SOD1: variants seen among roughly 807,000 people sequenced by gnomAD.
SOD1 encodes the protein superoxide dismutase [Cu-Zn].
A neutral mutation model predicts 15.9 loss-of-function variants in SOD1; 8 were observed. The observed-to-expected ratio is 0.50, with a 90% confidence interval of 0.30 to 0.91. SOD1 has a LOEUF of 0.91. Among genes scored for constraint, SOD1 ranks in the 40% least tolerant of loss-of-function variants. The pLI is 0.07. For missense variants in SOD1, 137 were observed against 194.5 expected, an observed-to-expected ratio of 0.70 and a Z score of 1.76; for synonymous variants, 86 against 71.2, an observed-to-expected ratio of 1.21 and a Z score of -1.04.
chr21:31,667,410 T>A, intron 4 of SOD1, 35 bp downstream of exon 4: 2 of 1,351,926 alleles, frequency 1.5e-6, no homozygotes, highest in Non-Finnish European at 2.1e-6. Flanking sequence ...ATAAAACTTC[T>A]TCTAACATAC....
chr21:31,666,474 T>C lies in SOD1; in HGVS notation c.195T>C (p.Phe65=), dbSNP rs147620646. The part of the protein sequence containing the change: ...TAGCTSAGPH[F]NPLSRKHGGP... ...GCTGTACCAGTGCAGGTCCTCACTTTAATCCTCTATCCAGAAAACACGGTG... is the reference window on the plus strand; with the variant it reads ...GCTGTACCAGTGCAGGTCCTCACTTCAATCCTCTATCCAGAAAACACGGTG... The change falls in exon 3 of 5, where the codon TTT becomes TTC. Residue 65 remains phenylalanine (F), a synonymous_variant. Coordinates refer to ENST00000270142, the MANE Select transcript of SOD1 (RefSeq NM_000454.5). The C allele has an allele frequency of 4.3e-5, 69 of 1,613,020 alleles. No individual in the cohort carries two copies. The African/African-American group carries it at 7.9e-4, about 18-fold the overall frequency.
chr21:31,663,069 G>A (rs1472231033), intron 1 of SOD1, among the ~76,000 whole-genome samples: 4 of 149,748 alleles, frequency 2.7e-5, no homozygotes, highest in Non-Finnish European at 5.9e-5. Flanking sequence ...ACTGAGTGGG[G>A]AGTGGAGAGC....
chr21:31,665,996 G>T (rs1361087857), intron 2 of SOD1, among the ~76,000 whole-genome samples: 4 of 145,606 alleles, frequency 2.7e-5, no homozygotes, highest in African/African-American at 1.0e-4. Flanking sequence ...TTTTGAGATG[G>T]AGTCTTGCTC....
At chr21:31,663,742 T>C (rs766078896) in intron 1 of SOD1, 48 bp from the exon 2 acceptor site, 5 of 1,391,468 alleles carry the variant, frequency 3.6e-6, no homozygotes, top group Admixed American at 1.7e-5. Context: ...GTAAATCAGC[T>C]GTTTTCTTTG....
chr21:31,664,050 G>A (rs983900138), intron 2 of SOD1, among the ~76,000 whole-genome samples, 164 bp downstream of exon 2: 3 of 152,088 alleles, frequency 2.0e-5, no homozygotes, highest in Non-Finnish European at 2.9e-5. Context: ...GATCATGGCT[G>A]ACCTTAGCCT....
intron 1 of SOD1, 129 bp downstream of exon 1, chr21:31,659,970 G>A (rs2049533692): frequency 7.2e-6 from 6 of 834,264 alleles, no homozygotes; most frequent in Non-Finnish European, 9.1e-6. Context: ...GTCCCGGCCC[G>A]TGCCGCCCGG....
At chr21:31,666,837 A>C in intron 3 of SOD1, 1 of 417,890 alleles carries the variant, frequency 2.4e-6, no homozygotes, top group Non-Finnish European at 4.3e-6. Context: ...ATCAATCATC[A>C]TTGTGAAACA....
intron 2 of SOD1, among the ~76,000 whole-genome samples, chr21:31,664,969 A>C (rs987565675): frequency 6.6e-6 from 1 of 152,160 alleles, no homozygotes; most frequent in Admixed American, 6.5e-5. Flanking sequence ...TTGGGCTCTT[A>C]ACTTTTGTAA....
intron 1 of SOD1, 62 bp downstream of exon 1, chr21:31,659,903 C>T (rs2049532931): frequency 3.2e-6 from 5 of 1,552,622 alleles, no homozygotes; most frequent in East Asian, 2.2e-5. Context: ...CCCCCGCGCA[C>T]CTTTGCTAGG....
intron 2 of SOD1, 148 bp downstream of exon 2, chr21:31,664,034 C>CT (rs1439726484): frequency 6.3e-5 from 42 of 670,222 alleles, no homozygotes; most frequent in Non-Finnish European, 1.1e-4. Context: ...TGCAGTGGCG[C>CT]TGTGCGATCA....
intron 2 of SOD1, chr21:31,664,452 G>C (rs2049575978): frequency 5.7e-6 from 1 of 175,236 alleles, no homozygotes; most frequent in Non-Finnish European, 1.3e-5. Flanking sequence ...AAGGTCCAGT[G>C]CCCTTTGTCT....
intron 2 of SOD1, among the ~76,000 whole-genome samples, 200 bp downstream of exon 2, chr21:31,664,086 C>T (rs1030034037): frequency 6.6e-6 from 1 of 152,176 alleles, no homozygotes; most frequent in Admixed American, 6.5e-5. Context: ...CATTGATCCT[C>T]ATGCCTTGGC....
chr21:31,668,909 A>G lies in SOD1; in HGVS notation c.*331A>G, dbSNP rs2049625391. 6 of 280,690 alleles carry G rather than the reference A, an allele frequency of 2.1e-5. No homozygotes were observed. The South Asian group carries it at 2.5e-4, about 12-fold the overall frequency. The allele number at this position is 280,690 out of a possible 1,614,324, so 17.4% of individuals were successfully genotyped here. On this transcript the variant is annotated 3_prime_UTR_variant, in exon 5 of 5. Coordinates refer to ENST00000270142, the MANE Select transcript of SOD1 (RefSeq NM_000454.5). ...TATGGCACTTATTATGAGGCTATTA[A>G]AAGAATCCAAATTCAAACTAAATTA...
intron 1 of SOD1, among the ~76,000 whole-genome samples, chr21:31,662,910 G>A (rs1319017770): frequency 6.6e-6 from 1 of 152,072 alleles, no homozygotes; most frequent in Non-Finnish European, 1.5e-5. Flanking sequence ...AGCTACTCAG[G>A]AGGCTGAGGC....
At position 31,668,842 on chromosome 21, in the gene SOD1, T is replaced by A; in HGVS notation, c.*264T>A. ...AAATCACAGATGGGTATTAAACTTG[T>A]CAGAATTTCTTTGTCATTCAAGCCT... is the stretch of plus-strand genomic sequence containing the variant. On this transcript the variant is annotated 3_prime_UTR_variant, in exon 5 of 5. Coordinates refer to ENST00000270142, the MANE Select transcript of SOD1 (RefSeq NM_000454.5). 1 of 425,836 alleles carries A rather than the reference T, an allele frequency of 2.3e-6. No individual in the cohort carries two copies. Among genetic ancestry groups the A allele is most frequent in the Non-Finnish European group, 4.3e-6 (1 of 231,504 alleles). 26.4% of individuals were successfully genotyped at this position (425,836 alleles called of 1,614,324 possible).
intron 1 of SOD1, chr21:31,660,789 T>C (rs2049542423): frequency 1.3e-5 from 2 of 152,182 alleles, no homozygotes; most frequent in South Asian, 2.1e-4. Context: ...TTGAGGACAG[T>C]GGGTGGAGTT....
chr21:31,668,383 T>C (rs1048624863), intron 4 of SOD1, 88 bp from the exon 5 acceptor site: 1 of 846,596 alleles, frequency 1.2e-6, no homozygotes, highest in Non-Finnish European at 2.1e-6. Flanking sequence ...TCTAATATTA[T>C]GAGGTTCTTA....
At chr21:31,667,568 T>C (rs544194681) in intron 4 of SOD1, among the ~76,000 whole-genome samples, 193 bp downstream of exon 4, 1 of 152,348 alleles carries the variant, frequency 6.6e-6, no homozygotes, top group Admixed American at 6.5e-5. Context: ...AGAACACTGT[T>C]CTGCTAAGAT....
intron 1 of SOD1, 23 bp from the exon 2 acceptor site, chr21:31,663,767 C>A: frequency 6.4e-7 from 1 of 1,562,760 alleles, no homozygotes; most frequent in Non-Finnish European, 8.8e-7. Context: ...GAAACTCTCT[C>A]CAACTTTGCA....
Sources: gnomAD v4.1 joint callset for allele counts (sites outside exome capture counted in the v4.1 genomes callset) on GRCh38, gnomAD v4.1.1 for gene constraint, MANE v1.5 for transcripts, NCBI Gene and HGNC (gene_info 2026-07-23, HGNC 2026-07-21) for gene names.